The following LARP1 variants were observed in gnomAD, a reference collection of about 807,000 sequenced individuals.
LARP1 encodes the protein La ribonucleoprotein 1, translational regulator, also known as la-related protein 1.
LARP1 carries 36 observed loss-of-function variants against 122.7 expected under a neutral mutation model. The ratio of observed to expected loss-of-function variants is 0.29; its 90% CI spans 0.22 to 0.39. LARP1 has a LOEUF of 0.39. Among genes scored for constraint, LARP1 ranks in the 10% least tolerant of loss-of-function variants. The pLI is 1.00. For synonymous variants in LARP1, 539 were observed against 528.7 expected, an observed-to-expected ratio of 1.02 and a Z score of -0.27; for missense variants, 1,040 against 1,403.6, an observed-to-expected ratio of 0.74 and a Z score of 4.14.
chr5:154,793,537 G>A (rs1240056837), intron 4 of LARP1, 58 bp from the exon 5 acceptor site: 5 of 1,610,122 alleles, frequency 3.1e-6, no homozygotes, highest in South Asian at 1.1e-5. Context: ...GTTGGGTAGA[G>A]CTGGCTAGGA....
intron 1 of LARP1, among the ~76,000 whole-genome samples, chr5:154,721,821 C>T (rs368392121): frequency 9.9e-5 from 15 of 152,168 alleles, no homozygotes; most frequent in South Asian, 4.1e-4. Context: ...TTTGTCTCCA[C>T]GGCCTGGCAC....
intron 1 of LARP1, among the ~76,000 whole-genome samples, chr5:154,781,908 A>G (rs903554226): frequency 1.3e-5 from 2 of 152,222 alleles, no homozygotes; most frequent in African/African-American, 4.8e-5. Context: ...AGTGGAGTTG[A>G]GATACACACA....
intron 1 of LARP1, among the ~76,000 whole-genome samples, chr5:154,721,953 C>T (rs561672884): frequency 2.6e-5 from 4 of 152,224 alleles, no homozygotes; most frequent in South Asian, 2.1e-4. Flanking sequence ...TATGGTTGAA[C>T]GTCCAGTCAC....
intron 1 of LARP1, among the ~76,000 whole-genome samples, chr5:154,732,160 T>C (rs1022157971): frequency 7.6e-6 from 1 of 132,204 alleles, no homozygotes; most frequent in East Asian, 2.3e-4. Flanking sequence ...AGCAAGACTC[T>C]AGCTAAAACA....
chr5:154,703,364 T>A (rs1292551673), intron 1 of LARP1, among the ~76,000 whole-genome samples: 1 of 152,166 alleles, frequency 6.6e-6, no homozygotes, highest in Non-Finnish European at 1.5e-5. Context: ...AGCTCAGGCC[T>A]TCATGATTGG....
chr5:154,746,863 G>A (rs559937059), intron 1 of LARP1, among the ~76,000 whole-genome samples: 5 of 152,164 alleles, frequency 3.3e-5, no homozygotes, highest in South Asian at 2.1e-4. Flanking sequence ...GGCCAGATGC[G>A]GTGGCTCATA....
intron 1 of LARP1, among the ~76,000 whole-genome samples, chr5:154,782,670 C>T (rs1484333124): frequency 6.6e-6 from 1 of 152,188 alleles, no homozygotes. Context: ...ATGATCTGAC[C>T]TGAACATTTC....
intron 1 of LARP1, among the ~76,000 whole-genome samples, chr5:154,715,457 G>A (rs545050122): frequency 6.6e-6 from 1 of 151,884 alleles, no homozygotes; most frequent in South Asian, 2.1e-4. Context: ...AGGTCAGGCT[G>A]CTCTTGAACT....
chr5:154,804,736 C>G (rs1281180928), intron 14 of LARP1: 2 of 455,904 alleles, frequency 4.4e-6, no homozygotes, highest in Admixed American at 2.4e-5. Context: ...GACCCTGCTT[C>G]TTGGGGTAGG....
intron 4 of LARP1, 122 bp from the exon 5 acceptor site, chr5:154,793,473 G>T: frequency 4.0e-6 from 5 of 1,260,728 alleles, no homozygotes; most frequent in South Asian, 4.0e-5. Context: ...AAAGGGATCT[G>T]CCCAAGGTAA....
At chr5:154,795,053 T>G (rs1757638192) in intron 7 of LARP1, 122 bp from the exon 8 acceptor site, 1 of 894,890 alleles carries the variant, frequency 1.1e-6, no homozygotes, top group Non-Finnish European at 1.8e-6. Context: ...GTATATAGGA[T>G]AAGGATGGGG....
chr5:154,791,731 A>G (rs746072585), intron 3 of LARP1, among the ~76,000 whole-genome samples: 11 of 152,202 alleles, frequency 7.2e-5, no homozygotes, highest in African/African-American at 1.7e-4. Flanking sequence ...CAGGACCTAC[A>G]TATATGAAAA....
intron 1 of LARP1, chr5:154,718,549 G>T (rs1220696834): frequency 6.6e-6 from 1 of 152,202 alleles, no homozygotes; most frequent in Admixed American, 6.5e-5. Context: ...ACTCCAGGGA[G>T]GTCACCACAT....
At position 154,811,249 on chromosome 5, in the gene LARP1, ATGGTT is replaced by A; in HGVS notation, c.2850_2854del (p.Leu951ValfsTer31). Reference sequence around the variant, plus strand: ...TTTCACTGACTTGTGTTCTACAGATATGGTTTGGAGTGCCTTTTTCGATACTACAG... The same window carrying A: ...TTTCACTGACTTGTGTTCTACAGATATGGAGTGCCTTTTTCGATACTACAG... On this transcript the variant is annotated frameshift_variant, in exon 17 of 19. Coordinates refer to ENST00000518297, the MANE Select transcript of LARP1 (RefSeq NM_033551.3). LOFTEE classifies it high-confidence loss of function. The A allele has an allele frequency of 6.2e-7, 1 of 1,613,240 alleles. No individual in the cohort carries two copies. The highest frequency in any genetic ancestry group is 8.5e-7 in the Non-Finnish European group (1 of 1,179,170).
chr5:154,795,775 C>A (rs1240338131), intron 8 of LARP1, among the ~76,000 whole-genome samples: 1 of 143,976 alleles, frequency 6.9e-6, no homozygotes, highest in Admixed American at 7.4e-5. Context: ...TCCTTAATAT[C>A]ATCAAATATT....
At chr5:154,740,159 A>C (rs1354155253) in intron 1 of LARP1, among the ~76,000 whole-genome samples, 1 of 151,836 alleles carries the variant, frequency 6.6e-6, no homozygotes, top group Non-Finnish European at 1.5e-5. Context: ...TGGGAGGCCG[A>C]GGCGGGTGGA....
chr5:154,737,436 CTTTTTTTTTT>C (rs10526758), intron 1 of LARP1, among the ~76,000 whole-genome samples: 3 of 95,310 alleles, frequency 3.1e-5, no homozygotes, highest in East Asian at 3.5e-4. Context: ...GAATTTTTCT[CTTTTTTTTTT>C]TTTTTTTTTT....
intron 1 of LARP1, among the ~76,000 whole-genome samples, chr5:154,727,438 C>T (rs1582218533): frequency 1.3e-5 from 2 of 152,216 alleles, no homozygotes; most frequent in South Asian, 4.1e-4. Flanking sequence ...GAAAATAAAT[C>T]ATATCCCATT....
At chr5:154,798,466 G>A (rs558927612) in intron 8 of LARP1, among the ~76,000 whole-genome samples, 1 of 152,288 alleles carries the variant, frequency 6.6e-6, no homozygotes, top group East Asian at 1.9e-4. Context: ...CAGTTGCATA[G>A]TTCACCATTG....
Sources: allele counts gnomAD v4.1 joint callset (sites outside exome capture counted in the v4.1 genomes callset), GRCh38; gene constraint gnomAD v4.1.1; transcripts MANE v1.5; gene names NCBI Gene and HGNC (gene_info 2026-07-23, HGNC 2026-07-21).